The following BCL7A variants were observed in gnomAD, a reference collection of about 807,000 sequenced individuals.
BCL7A encodes the protein B-cell CLL/lymphoma 7 protein family member A.
Under a neutral mutation model 28.4 loss-of-function variants are expected in BCL7A, and 11 were observed. The ratio of observed to expected loss-of-function variants is 0.39; its 90% CI spans 0.24 to 0.64. BCL7A has a LOEUF of 0.64. Ranked by LOEUF, BCL7A falls within the 30% of genes least tolerant of loss-of-function variation. The pLI is 0.50. For missense variants in BCL7A, 222 were observed against 274.8 expected, an observed-to-expected ratio of 0.81 and a Z score of 1.36; for synonymous variants, 123 against 103.3, an observed-to-expected ratio of 1.19 and a Z score of -1.15.
At chr12:122,051,656 C>G (rs1210734858) in intron 4 of BCL7A, among the ~76,000 whole-genome samples, 2 of 152,104 alleles carry the variant, frequency 1.3e-5, no homozygotes, top group Admixed American at 6.6e-5. Flanking sequence ...CTCTGGGTGA[C>G]TGGCCACCTT....
intron 2 of BCL7A, among the ~76,000 whole-genome samples, chr12:122,034,835 C>T (rs1883818250): frequency 6.6e-6 from 1 of 152,166 alleles, no homozygotes; most frequent in Non-Finnish European, 1.5e-5. Context: ...CCGGGGTCTT[C>T]CTTCCTAACT....
rs1010415304 is a variant in BCL7A at position 122,043,047 on chromosome 12, G to A, written c.272-839G>A. 6.0e-5 allele frequency among the ~76,000 whole-genome samples: 9 copies of A among 150,752 alleles called. No individual in the cohort carries two copies. In the East Asian group the frequency reaches 1.6e-3, roughly 26 times the overall value. On this transcript the variant is annotated intron_variant, in intron 3 of 5. Transcript: ENST00000261822. ...TAAATATGATACTGACTTTAAGGGAGTGGACCACGTGTCCCGTGGAATATG... is the reference window on the plus strand; with the variant it reads ...TAAATATGATACTGACTTTAAGGGAATGGACCACGTGTCCCGTGGAATATG...
Position 122,059,198 on chromosome 12 carries a change from G to A in BCL7A, c.*35G>A, listed in dbSNP as rs1309781929. On this transcript the variant is annotated 3_prime_UTR_variant, in exon 6 of 6. Transcript: ENST00000261822. This position sits in a 1 kb window ranked among gnomAD's most constrained non-coding sequence, Gnocchi z 4.0. ...TAAAGCCTCCGATCCATGTTCCATG[G>A]AAGGTACATCAGCAATTAATTCTAG... is the stretch of plus-strand genomic sequence containing the variant. 7 of 1,574,044 alleles carry A rather than the reference G, an allele frequency of 4.4e-6. No individual in the cohort carries two copies. In the African/African-American group the frequency reaches 8.1e-5, roughly 18 times the overall value.
rs1307401086 is a variant in BCL7A, at chr12:122,038,684, G to A, written c.271+3257G>A. On this transcript the variant is annotated intron_variant, in intron 3 of 5. Coordinates refer to ENST00000261822, the MANE Select transcript of BCL7A (RefSeq NM_001024808.3). ...TACAGACGCAGAATTACACCAGAGG[G>A]CCTTTTCGAGCTGAGGCCAGGACCC... Among the ~76,000 whole-genome samples the A allele has an allele frequency of 1.4e-4, 21 of 152,040 alleles. 1 individual carries two copies. The highest frequency in any genetic ancestry group is 1.2e-3 in the Admixed American group (18 of 15,230).
At chr12:122,036,253 G>A (rs556901114) in intron 3 of BCL7A, among the ~76,000 whole-genome samples, 17 of 152,166 alleles carry the variant, frequency 1.1e-4, no homozygotes, top group South Asian at 4.1e-4. Context: ...TAACTTAGCC[G>A]GGTACAGGAA....
In BCL7A at chr12:122,054,905, AGAGACGTCT is replaced by A; in HGVS notation, c.542_550del (p.Glu181_Ser183del). On this transcript the variant is annotated inframe_deletion, in exon 5 of 6. Transcript: ENST00000261822. The stretch of plus-strand genomic sequence containing the variant: ...CGTCTGGAGACTCGGGTCTGGCCGC[AGAGACGTCT>A]GCAATCTCTCAGGTACCTCGCTCGA... 1 of 1,614,196 alleles carries A rather than the reference AGAGACGTCT, an allele frequency of 6.2e-7. No individual in the cohort carries two copies. Among genetic ancestry groups the A allele is most frequent in the Non-Finnish European group, 8.5e-7 (1 of 1,180,026 alleles).
chr12:122,049,899 C>T (rs184187986), intron 4 of BCL7A, among the ~76,000 whole-genome samples: 84 of 152,182 alleles, frequency 5.5e-4, no homozygotes, highest in South Asian at 6.2e-4. Context: ...CTTTTCCCCC[C>T]GAGAAGTCAT....
At chr12:122,048,660 G>A (rs1002140886) in intron 4 of BCL7A, among the ~76,000 whole-genome samples, 1 of 151,842 alleles carries the variant, frequency 6.6e-6, no homozygotes, top group African/African-American at 2.4e-5. Context: ...CTGAGGCGAA[G>A]ATCACTTGAG....
chr12:122,035,863 T>C (rs1883839520), intron 3 of BCL7A, among the ~76,000 whole-genome samples: 1 of 152,136 alleles, frequency 6.6e-6, no homozygotes, highest in Non-Finnish European at 1.5e-5. Flanking sequence ...GTTTTTGAGA[T>C]GGAGTTTTGC....
At chr12:122,054,033 TTC>T (rs1162952290) in intron 4 of BCL7A, among the ~76,000 whole-genome samples, 1 of 152,110 alleles carries the variant, frequency 6.6e-6, no homozygotes, top group Non-Finnish European at 1.5e-5. Context: ...TTCTGTACTT[TTC>T]TGTTTCCTGC....
intron 3 of BCL7A, 59 bp downstream of exon 3, chr12:122,035,486 C>G: frequency 2.7e-6 from 4 of 1,474,042 alleles, no homozygotes; most frequent in Non-Finnish European, 2.8e-6. Flanking sequence ...GCCAAGCACT[C>G]GGTCATGTTT....
intron 3 of BCL7A, among the ~76,000 whole-genome samples, chr12:122,036,202 G>A (rs1011266840): frequency 2.6e-5 from 4 of 151,898 alleles, no homozygotes; most frequent in South Asian, 2.1e-4. Context: ...GCCCTTCCAC[G>A]TCTACACCTA....
chr12:122,031,007 G>A (rs758309734), intron 2 of BCL7A, among the ~76,000 whole-genome samples: 8 of 152,014 alleles, frequency 5.3e-5, no homozygotes, highest in African/African-American at 1.2e-4. Flanking sequence ...GGGGGATCCC[G>A]CAAGCTGTGT....
chr12:122,051,705 C>T (rs1269446561), intron 4 of BCL7A, among the ~76,000 whole-genome samples: 3 of 152,134 alleles, frequency 2.0e-5, no homozygotes, highest in Non-Finnish European at 1.5e-5. Context: ...CCCACCTCCC[C>T]CACCACTCTG....
At chr12:122,023,803 T>A (rs1883539090) in intron 1 of BCL7A, among the ~76,000 whole-genome samples, 2 of 152,252 alleles carry the variant, frequency 1.3e-5, no homozygotes, top group East Asian at 1.9e-4. Flanking sequence ...TACTGTGGGA[T>A]TCCCCGCGGG....
intron 1 of BCL7A, among the ~76,000 whole-genome samples, chr12:122,022,407 GC>G (rs1883484387): frequency 6.9e-6 from 1 of 144,238 alleles, no homozygotes; most frequent in African/African-American, 2.5e-5. Context: ...CGCGCCTGTA[GC>G]CCACCTGGCG....
At position 122,028,497 on chromosome 12, in the gene BCL7A, G is replaced by A. The variant is rs1329185348; in HGVS notation, c.93-2203G>A. Among the ~76,000 whole-genome samples, 4 of 151,806 alleles carry A rather than the reference G, an allele frequency of 2.6e-5. No homozygotes were observed. In the East Asian group the frequency reaches 7.7e-4, roughly 29 times the overall value. ...GGTCCAGGGCTCATGAGTAATGAATGGCTTTGGCCAATCTGCATGGAGTCC... is the reference window on the plus strand; with the variant it reads ...GGTCCAGGGCTCATGAGTAATGAATAGCTTTGGCCAATCTGCATGGAGTCC... On this transcript the variant is annotated intron_variant, in intron 1 of 5. Coordinates refer to ENST00000261822, the MANE Select transcript of BCL7A (RefSeq NM_001024808.3).
intron 1 of BCL7A, among the ~76,000 whole-genome samples, chr12:122,026,482 C>A (rs1054469448): frequency 1.3e-5 from 2 of 152,206 alleles, no homozygotes; most frequent in African/African-American, 4.8e-5. Context: ...CCCAGGACCC[C>A]TTAGCACCTG....
chr12:122,060,826 A>T lies in BCL7A; in HGVS notation c.*1663A>T. 1 of 227,954 alleles carries T rather than the reference A, an allele frequency of 4.4e-6. No homozygotes were observed. The highest frequency in any genetic ancestry group is 8.7e-6 in the Non-Finnish European group (1 of 115,428). 14.1% of individuals were successfully genotyped at this position (227,954 alleles called of 1,614,324 possible). The stretch of plus-strand genomic sequence containing the variant: ...TTAAGGGATCCTGTCTATTTCCTGC[A>T]CTTCGAGAAGAATCAAAATGTTCCT... On this transcript the variant is annotated 3_prime_UTR_variant, in exon 6 of 6. Coordinates refer to ENST00000261822, the MANE Select transcript of BCL7A (RefSeq NM_001024808.3).
Sources: gnomAD v4.1 joint callset for allele counts (sites outside exome capture counted in the v4.1 genomes callset) on GRCh38, gnomAD v4.1.1 for gene constraint, Gnocchi (gnomAD v3.1) non-coding constraint, MANE v1.5 for transcripts, NCBI Gene and HGNC (gene_info 2026-07-23, HGNC 2026-07-21) for gene names.